PKP4: variants seen among roughly 807,000 people sequenced by gnomAD.
The protein encoded by PKP4 is plakophilin-4.
A neutral mutation model predicts 145.1 loss-of-function variants in PKP4; 90 were observed. That is an observed-to-expected ratio of 0.62 (90% CI 0.52 to 0.74). The LOEUF is 0.74. Ranked by LOEUF, PKP4 falls within the 30% of genes least tolerant of loss-of-function variation. The pLI is 0.00. For missense variants in PKP4, 1,340 were observed against 1,482.7 expected (o/e 0.90, Z 1.58); for synonymous variants, 563 against 577.2 (o/e 0.98, Z 0.35).
At chr2:158,584,400 G>A (rs1362931118) in intron 3 of PKP4, among the ~76,000 whole-genome samples, 1 of 152,210 alleles carries the variant, frequency 6.6e-6, no homozygotes, top group Non-Finnish European at 1.5e-5. Flanking sequence ...GCGCATTCTA[G>A]TGGAAGACTC....
chr2:158,656,171 C>G (rs2055897273), intron 11 of PKP4, among the ~76,000 whole-genome samples: 1 of 152,172 alleles, frequency 6.6e-6, no homozygotes, highest in Non-Finnish European at 1.5e-5. Context: ...ACCAATTCTT[C>G]CTCAGTTCCT....
At position 158,625,122 on chromosome 2, in the gene PKP4, C is replaced by T. The variant is rs1216330490; in HGVS notation, c.848C>T (p.Thr283Ile). The T allele has an allele frequency of 6.2e-7, 1 of 1,614,216 alleles. No homozygotes were observed. The change falls in exon 7 of 22, where the codon ACA becomes ATA. Residue 283 changes from threonine (T) to isoleucine (I), a missense_variant. Thr to Ile is a moderately conservative substitution (Grantham distance 89). Transcript: ENST00000389759. ...SPYSQRPASP[T>I]AIRRIGSVTS... ...TACTCACAGAGACCCGCCTCCCCAACAGCTATACGGCGGATTGGGTCAGTC... is the reference window on the plus strand; with the variant it reads ...TACTCACAGAGACCCGCCTCCCCAATAGCTATACGGCGGATTGGGTCAGTC...
intron 11 of PKP4, among the ~76,000 whole-genome samples, chr2:158,655,433 C>T (rs775893475): frequency 2.0e-5 from 3 of 152,130 alleles, no homozygotes; most frequent in African/African-American, 4.8e-5. Context: ...TTTCTGACTG[C>T]AATCAGAGAA....
chr2:158,471,285 T>C (rs1324732727), intron 1 of PKP4, among the ~76,000 whole-genome samples: 1 of 152,244 alleles, frequency 6.6e-6, no homozygotes, highest in Non-Finnish European at 1.5e-5. Flanking sequence ...GCATGAATTT[T>C]CTTCCAGAAT....
chr2:158,657,787 A>G (rs1575015308), intron 11 of PKP4, among the ~76,000 whole-genome samples: 1 of 152,346 alleles, frequency 6.6e-6, no homozygotes, highest in East Asian at 1.9e-4. Context: ...TCACAGATGC[A>G]TTATATTCAA....
chr2:158,677,118 G>A, intron 20 of PKP4: 1 of 469,302 alleles, frequency 2.1e-6, no homozygotes, highest in Non-Finnish European at 4.0e-6. Context: ...AAAGAGGGCT[G>A]TATCCAAATA....
rs139926516 is a variant in PKP4, at chr2:158,520,101, T to C, written c.-5-13079T>C. 9.3e-3 allele frequency among the ~76,000 whole-genome samples: 1,422 copies of C among 152,310 alleles called. 23 individuals carry two copies. Among genetic ancestry groups the C allele is most frequent in the African/African-American group, 0.033 (1,364 of 41,566 alleles). ...GTTGAAAATGCCCATGTGTAATTCG[T>C]GTTTATCAAGATAGAATTTCCAGTT... On this transcript the variant is annotated intron_variant, in intron 1 of 21. Transcript: ENST00000389759.
chr2:158,582,545 A>C (rs1176324734), intron 3 of PKP4, among the ~76,000 whole-genome samples: 1 of 152,194 alleles, frequency 6.6e-6, no homozygotes, highest in African/African-American at 2.4e-5. Flanking sequence ...GGTAAAGACA[A>C]AAACGCTAAT....
chr2:158,565,435 C>CTTTTTTTTTTTTTTTTTTTCTT (rs10690465), intron 2 of PKP4, among the ~76,000 whole-genome samples: 6 of 135,748 alleles, frequency 4.4e-5, no homozygotes, highest in Non-Finnish European at 7.7e-5. Context: ...TTCTTTTTTC[C>CTTTTTTTTTTTTTTTTTTTCTT]TTTTTTTTTT....
At chr2:158,502,031 G>C (rs1028209666) in intron 1 of PKP4, among the ~76,000 whole-genome samples, 3 of 152,140 alleles carry the variant, frequency 2.0e-5, no homozygotes, top group African/African-American at 7.2e-5. Flanking sequence ...CATTATTGAA[G>C]GTTTTCTGAG....
intron 1 of PKP4, among the ~76,000 whole-genome samples, chr2:158,523,092 A>C (rs989789906): frequency 6.6e-6 from 1 of 152,240 alleles, no homozygotes; most frequent in African/African-American, 2.4e-5. Context: ...TTAGGTAAAC[A>C]AAGCAGCCTC....
chr2:158,521,673 C>T (rs2042383930), intron 1 of PKP4, among the ~76,000 whole-genome samples: 1 of 152,110 alleles, frequency 6.6e-6, no homozygotes, highest in African/African-American at 2.4e-5. Flanking sequence ...TCTGATACTC[C>T]TTTTAGAATT....
At chr2:158,656,765 G>A (rs1341642282) in intron 11 of PKP4, among the ~76,000 whole-genome samples, 2 of 152,214 alleles carry the variant, frequency 1.3e-5, no homozygotes, top group Non-Finnish European at 1.5e-5. Context: ...TTTAGAGTCA[G>A]AAGATTGTTT....
At chr2:158,483,779 ATGT>A (rs1192100842) in intron 1 of PKP4, among the ~76,000 whole-genome samples, 7 of 83,650 alleles carry the variant, frequency 8.4e-5, no homozygotes, top group African/African-American at 4.6e-5. Context: ...ATTTGGAATT[ATGT>A]TCTGCTCTAA....
chr2:158,547,994 T>A (rs986853879), intron 2 of PKP4, among the ~76,000 whole-genome samples: 4 of 152,246 alleles, frequency 2.6e-5, no homozygotes, highest in Non-Finnish European at 5.9e-5. Flanking sequence ...TGTTTTAGAT[T>A]TGTTCATCTT....
chr2:158,681,118 T>A lies in PKP4; in HGVS notation c.*441T>A, dbSNP rs1351056726. 1 of 154,828 alleles carries A rather than the reference T, an allele frequency of 6.5e-6. No homozygotes were observed. The highest frequency in any genetic ancestry group is 1.4e-5 in the Non-Finnish European group (1 of 69,566). The allele number at this position is 154,828 out of a possible 1,614,324, so 9.6% of individuals were successfully genotyped here. A position where few individuals can be genotyped will look rare whatever the true frequency, so the allele number is the denominator to read the frequency against. ...TGTATGCTATTATGTCTTGTAAATTTCTTTTGTTGGTGTAAATATGGAAAT... is the reference window on the plus strand; with the variant it reads ...TGTATGCTATTATGTCTTGTAAATTACTTTTGTTGGTGTAAATATGGAAAT... On this transcript the variant is annotated 3_prime_UTR_variant, in exon 22 of 22. Transcript: ENST00000389759.
chr2:158,651,189 T>C (rs1249161727), intron 11 of PKP4, among the ~76,000 whole-genome samples: 1 of 152,214 alleles, frequency 6.6e-6, no homozygotes, highest in Non-Finnish European at 1.5e-5. Context: ...TTAGAAAGCT[T>C]GGGCAATTGA....
At position 158,503,203 on chromosome 2, in the gene PKP4, A is replaced by G. The variant is rs544557145; in HGVS notation, c.-5-29977A>G. 4.5e-4 allele frequency among the ~76,000 whole-genome samples: 68 copies of G among 152,358 alleles called. 1 individual carries two copies. In the South Asian group the frequency reaches 0.013, roughly 29 times the overall value. ...AGCTGTACTTAACTATGCTTCTGCT[A>G]TTTCATAGATGCATATCAACTCATG... On this transcript the variant is annotated intron_variant, in intron 1 of 21. Coordinates refer to ENST00000389759, the MANE Select transcript of PKP4 (RefSeq NM_003628.6).
At chr2:158,642,462 G>T in intron 10 of PKP4, 24 bp from the exon 11 acceptor site, 2 of 1,530,536 alleles carry the variant, frequency 1.3e-6, no homozygotes, top group Non-Finnish European at 1.8e-6. Flanking sequence ...ACTTAGGCCT[G>T]GTACCTAATA....
Sources: allele counts gnomAD v4.1 joint callset (sites outside exome capture counted in the v4.1 genomes callset), GRCh38; gene constraint gnomAD v4.1.1; transcripts MANE v1.5; gene names NCBI Gene and HGNC (gene_info 2026-07-23, HGNC 2026-07-21).